Variants in PDLIM3 observed in about 807,000 individuals in gnomAD.
The protein encoded by PDLIM3 is PDZ and LIM domain 3, also known as PDZ and LIM domain protein 3.
Under a neutral mutation model 37.3 loss-of-function variants are expected in PDLIM3, and 36 were observed. The observed-to-expected ratio is 0.97, with a 90% CI of 0.74 to 1.28. The LOEUF (loss-of-function observed/expected upper bound fraction) is 1.28, where lower values mean the gene tolerates loss of function less well. PDLIM3 is among the 50% of genes most tolerant of loss of function. The pLI is 0.00. For missense variants in PDLIM3, 454 were observed against 485.0 expected, an observed-to-expected ratio of 0.94 and a Z score of 0.60; for synonymous variants, 174 against 182.4, an observed-to-expected ratio of 0.95 and a Z score of 0.37.
intron 6 of PDLIM3, 82 bp downstream of exon 6, chr4:185,506,440 C>A: frequency 6.4e-7 from 1 of 1,560,840 alleles, no homozygotes; most frequent in Admixed American, 1.7e-5. Context: ...CTTTCATTCC[C>A]AGTATGTTTG....
intron 1 of PDLIM3, among the ~76,000 whole-genome samples, chr4:185,533,750 C>T (rs932598530): frequency 9.2e-5 from 14 of 152,108 alleles, no homozygotes; most frequent in Non-Finnish European, 1.8e-4. Context: ...TTTATAATGT[C>T]AACAACTCAA....
chr4:185,512,076 G>C (rs2095707438), intron 4 of PDLIM3: 1 of 149,760 alleles, frequency 6.7e-6, no homozygotes, highest in South Asian at 2.1e-4. Flanking sequence ...GAGGATGTTG[G>C]GGGCACTCTT....
intron 2 of PDLIM3, among the ~76,000 whole-genome samples, chr4:185,524,661 A>G (rs1025336786): frequency 1.3e-5 from 2 of 151,890 alleles, no homozygotes; most frequent in Non-Finnish European, 3.0e-5. Context: ...TCTCCATTCC[A>G]TTCCATTCCA....
chr4:185,513,936 C>T lies in PDLIM3; in HGVS notation c.398+334G>A, dbSNP rs754837. ...TCCATGCTCGCTCCTGCTGGCAGGG[C>T]TTTCCTGACCTGGGATAGACATACT... On this transcript the variant is annotated intron_variant, in intron 4 of 7. Transcript: ENST00000284767. 1.6e-3 allele frequency: 1,888 copies of T among 1,213,694 alleles called. 66 individuals carry two copies. In the East Asian group the frequency reaches 0.07, roughly 45 times the overall value. The allele number at this position is 1,213,694 out of a possible 1,614,324, so 75.2% of individuals were successfully genotyped here.
At chr4:185,532,442 G>A (rs548590688) in intron 1 of PDLIM3, among the ~76,000 whole-genome samples, 1 of 152,288 alleles carries the variant, frequency 6.6e-6, no homozygotes, top group East Asian at 1.9e-4. Flanking sequence ...CGGATGAGAT[G>A]GTTGTTACTG....
chr4:185,510,636 T>G (rs1295872907), intron 4 of PDLIM3, among the ~76,000 whole-genome samples: 1 of 152,166 alleles, frequency 6.6e-6, no homozygotes, highest in Admixed American at 6.5e-5. Context: ...CTCCAAAAAT[T>G]TTTCCAACAT....
rs1335952442 is a variant in PDLIM3 at position 185,500,910 on chromosome 4, G to A, written c.*1384C>T. 6.6e-6 allele frequency: 1 copy of A among 152,552 alleles called. No homozygotes were observed. The highest frequency in any genetic ancestry group is 2.4e-5 in the African/African-American group (1 of 41,456). 9.4% of individuals were successfully genotyped at this position (152,552 alleles called of 1,614,324 possible). ...TTCAGGCCAGAAGTTAGCAGCTGTG[G>A]GGGTTGAGGGGTGGTAGAGATGACC... is the stretch of plus-strand genomic sequence containing the variant. On this transcript the variant is annotated 3_prime_UTR_variant, in exon 8 of 8. Coordinates refer to ENST00000284767, the MANE Select transcript of PDLIM3 (RefSeq NM_014476.6).
chr4:185,515,004 G>T, intron 3 of PDLIM3: 1 of 809,006 alleles, frequency 1.2e-6, no homozygotes, highest in Non-Finnish European at 1.9e-6. Context: ...CGACGAGATT[G>T]ACGGAAAGAT....
intron 3 of PDLIM3, among the ~76,000 whole-genome samples, chr4:185,520,222 T>A (rs2095721367): frequency 6.6e-6 from 1 of 152,066 alleles, no homozygotes; most frequent in Non-Finnish European, 1.5e-5. Flanking sequence ...CCAAGTTACA[T>A]AAACTGGCCG....
intron 3 of PDLIM3, chr4:185,515,597 C>T (rs955168909): frequency 6.6e-6 from 1 of 152,010 alleles, no homozygotes; most frequent in Non-Finnish European, 1.5e-5. Flanking sequence ...TACTCTAGTC[C>T]CCAAAAGATT....
At chr4:185,535,099 C>T (rs1296505639) in intron 1 of PDLIM3, among the ~76,000 whole-genome samples, 1 of 152,232 alleles carries the variant, frequency 6.6e-6, no homozygotes, top group African/African-American at 2.4e-5. Context: ...AAAGTCGCTG[C>T]GGACCCAGAG....
At position 185,514,417 on chromosome 4, in the gene PDLIM3, A is replaced by G. The variant is rs1301073744; in HGVS notation, c.331-80T>C. On this transcript the variant is annotated intron_variant, in intron 3 of 7. Coordinates refer to ENST00000284767, the MANE Select transcript of PDLIM3 (RefSeq NM_014476.6). This position sits in a 1 kb window ranked among gnomAD's most constrained non-coding sequence, Gnocchi z 4.0. ...ATAAGATTAAACGAACGATAGTTGTACAGGGAGGATCATTTACCACCAACT... is the reference window on the plus strand; with the variant it reads ...ATAAGATTAAACGAACGATAGTTGTGCAGGGAGGATCATTTACCACCAACT... The G allele has an allele frequency of 1.2e-6, 2 of 1,613,310 alleles. No homozygotes were observed. Among genetic ancestry groups the G allele is most frequent in the Non-Finnish European group, 8.5e-7 (1 of 1,179,790 alleles).
intron 4 of PDLIM3, chr4:185,513,243 T>TC (rs773352751): frequency 1.0e-6 from 1 of 985,458 alleles, no homozygotes; most frequent in East Asian, 1.1e-4. Flanking sequence ...GGTCCAGGGC[T>TC]CCTTTCTGGA....
chr4:185,520,436 TA>T (rs375591582), intron 3 of PDLIM3, among the ~76,000 whole-genome samples: 4,365 of 36,070 alleles, frequency 0.12, 208 homozygotes, highest in African/African-American at 0.14. Context: ...TCTCAACCTT[TA>T]AAAAAAAAAC....
chr4:185,519,804 C>A (rs1459003929), intron 3 of PDLIM3, among the ~76,000 whole-genome samples: 1 of 152,122 alleles, frequency 6.6e-6, no homozygotes, highest in East Asian at 1.9e-4. Flanking sequence ...GGTCACATAA[C>A]TTACAATAAA....
intron 1 of PDLIM3, among the ~76,000 whole-genome samples, chr4:185,526,195 C>G (rs2095733826): frequency 6.6e-6 from 1 of 152,182 alleles, no homozygotes; most frequent in Non-Finnish European, 1.5e-5. Context: ...TAACAAATTG[C>G]TAAAGATCCA....
Position 185,502,108 on chromosome 4 carries a change from T to C in PDLIM3, c.*186A>G. On this transcript the variant is annotated 3_prime_UTR_variant, in exon 8 of 8. Transcript: ENST00000284767. Reference sequence around the variant, plus strand: ...TGCAAAACATAGCTAAGTGTATGTTTTTTTCACATAGCAGGCATTTGCCTC... The same window carrying C: ...TGCAAAACATAGCTAAGTGTATGTTCTTTTCACATAGCAGGCATTTGCCTC... 1 of 658,788 alleles carries C rather than the reference T, an allele frequency of 1.5e-6. No homozygotes were observed. Among genetic ancestry groups the C allele is most frequent in the Non-Finnish European group, 2.7e-6 (1 of 371,702 alleles). The allele number at this position is 658,788 out of a possible 1,614,324, so 40.8% of individuals were successfully genotyped here.
intron 3 of PDLIM3, chr4:185,517,012 T>G (rs145716030): frequency 1.2e-4 from 18 of 152,334 alleles, no homozygotes; most frequent in African/African-American, 3.1e-4. Context: ...AACCATCAAA[T>G]GTAGCTTTAG....
At chr4:185,503,939 C>T (rs1288350175) in intron 7 of PDLIM3, among the ~76,000 whole-genome samples, 1 of 152,194 alleles carries the variant, frequency 6.6e-6, no homozygotes, top group African/African-American at 2.4e-5. Context: ...CAGAGCAGGG[C>T]TCTATCTCTG....
Sources: allele counts gnomAD v4.1 joint callset (sites outside exome capture counted in the v4.1 genomes callset), GRCh38; gene constraint gnomAD v4.1.1; non-coding constraint Gnocchi (gnomAD v3.1); transcripts MANE v1.5; gene names NCBI Gene and HGNC (gene_info 2026-07-23, HGNC 2026-07-21).